Variants in USP11 observed in about 807,000 individuals in gnomAD.
USP11 encodes the protein ubiquitin specific peptidase 11.
In USP11, 5 loss-of-function variants were observed where a neutral mutation model predicts 72.8. That is an observed-to-expected ratio of 0.07 (90% CI 0.04 to 0.14). USP11 has a LOEUF of 0.14. USP11 is among the 10% of genes least tolerant of loss of function. USP11 has a pLI of 1.00. For missense variants in USP11, 480 were observed against 794.7 expected, an observed-to-expected ratio of 0.60 and a Z score of 4.76; for synonymous variants, 368 against 326.5, an observed-to-expected ratio of 1.13 and a Z score of -1.37.
intron 19 of USP11, 31 bp from the exon 20 acceptor site, chrX:47,247,580 G>A: frequency 8.3e-7 from 1 of 1,205,159 alleles, no homozygotes; most frequent in Non-Finnish European, 1.1e-6. Flanking sequence ...GGCAGGAAGG[G>A]TAGGCGAGGA....
At chrX:47,233,410 G>A (rs1249547183) in intron 1 of USP11, 191 bp downstream of exon 1, 9 of 1,077,028 alleles carry the variant, frequency 8.4e-6, no homozygotes, top group Non-Finnish European at 1.1e-5. Flanking sequence ...GAAAAGGGGC[G>A]GGGCCTGTGT....
chrX:47,247,969 C>T lies in USP11; in HGVS notation c.*39C>T, dbSNP rs1290818137. 7.8e-6 allele frequency: 8 copies of T among 1,024,682 alleles called. No individual in the cohort carries two copies. The East Asian group carries it at 1.3e-4, about 17-fold the overall frequency. The allele number at this position is 1,024,682 out of a possible 1,213,427, so 84.4% of individuals were successfully genotyped here. On this transcript the variant is annotated 3_prime_UTR_variant, in exon 21 of 21. Transcript: ENST00000377107. ...TGCCACAGAAAAAAAAAAAAAAAAG[C>T]CCTCTCTGCAATCTCGCTTCTCGTG...
Position 47,243,420 on chromosome X carries a change from G to C in USP11, c.1608G>C (p.Glu536Asp). Residue 536 changes from glutamate to aspartate, a missense_variant, in exon 13 of 21, where the codon GAG becomes GAC. Physicochemically the swap from Glu to Asp is conservative, Grantham distance 45. Coordinates refer to ENST00000377107, the MANE Select transcript of USP11 (RefSeq NM_001371072.1). ...GCTATGAGGTGTCAGGTCGCATTGA[G>C]GCCATTGAGGGCTCAAGAGAGGACA... ...IFVYEVSGRI[E>D]AIEGSREDIV... The C allele has an allele frequency of 8.3e-7, 1 of 1,211,886 alleles. No homozygotes were observed. Among genetic ancestry groups the C allele is most frequent in the Non-Finnish European group, 1.1e-6 (1 of 895,521 alleles).
Position 47,247,708 on chromosome X carries a change from TCCATCCTA to T in USP11, c.2625+12_2625+19del, listed in dbSNP as rs774601963. On this transcript the variant is annotated intron_variant, in intron 20 of 20. Coordinates refer to ENST00000377107, the MANE Select transcript of USP11 (RefSeq NM_001371072.1). ...ATGAGAATCAGATCGAGGTGTGACT[TCCATCCTA>T]CCTCCTCCCCTTCTTCCTTTCTGAT... The T allele has an allele frequency of 4.1e-6, 5 of 1,209,848 alleles. No homozygotes were observed. Among genetic ancestry groups the T allele is most frequent in the Admixed American group, 2.2e-5 (1 of 45,957 alleles).
intron 17 of USP11, among the ~76,000 whole-genome samples, chrX:47,246,258 TCTAC>T (rs1197405456): frequency 3.6e-5 from 4 of 112,551 alleles, no homozygotes; most frequent in Admixed American, 1.9e-4. Context: ...GTGTGTTGCT[TCTAC>T]CTGTTTATAA....
At chrX:47,240,692 G>A in intron 6 of USP11, 44 bp downstream of exon 6, 3 of 1,208,692 alleles carry the variant, frequency 2.5e-6, no homozygotes, top group Non-Finnish European at 2.2e-6. Context: ...GCGTCCCACA[G>A]TAGGCAAAAT....
intron 17 of USP11, among the ~76,000 whole-genome samples, chrX:47,246,489 T>A (rs1280676306): frequency 8.9e-6 from 1 of 112,077 alleles, no homozygotes; most frequent in African/African-American, 3.2e-5. Context: ...ACTAGAAGGA[T>A]AGAGGTGGGC....
rs748403960 is a variant in USP11, at chrX:47,246,375, G to T, written c.2271-697G>T. On this transcript the variant is annotated intron_variant, in intron 17 of 20. Coordinates refer to ENST00000377107, the MANE Select transcript of USP11 (RefSeq NM_001371072.1). ...TCTCAGAAATAAGAGCAGCATGTCCGTGGAGCAGAAATGGAACAGAAATAC... is the reference window on the plus strand; with the variant it reads ...TCTCAGAAATAAGAGCAGCATGTCCTTGGAGCAGAAATGGAACAGAAATAC... Among the ~76,000 whole-genome samples the T allele has an allele frequency of 6.3e-5, 7 of 111,781 alleles. No homozygotes were observed. The South Asian group carries it at 2.6e-3, about 41-fold the overall frequency.
intron 13 of USP11, 32 bp downstream of exon 13, chrX:47,243,634 G>A: frequency 5.9e-6 from 7 of 1,189,065 alleles, no homozygotes; most frequent in Non-Finnish European, 8.0e-6. Flanking sequence ...GGTGGGGGGC[G>A]GAGGGGTCTG....
Position 47,233,216 on chromosome X carries a change from G to A in USP11, c.173G>A (p.Ser58Asn), listed in dbSNP as rs1201750581. 2.6e-6 allele frequency: 3 copies of A among 1,162,888 alleles called. No homozygotes were observed. The South Asian group carries it at 5.7e-5, about 22-fold the overall frequency. Reference protein sequence around the residue: ...GRERPLRAGESWFLVEKHWYK... With the variant: ...GRERPLRAGENWFLVEKHWYK... ...GAACGTCCACTGCGGGCCGGCGAAA[G>A]CTGGTGAGGCTGGGCTGCGGTGGAG... The change falls in exon 1 of 21, where the codon AGC becomes AAC. Residue 58 changes from serine (S) to asparagine (N), a missense_variant. By Grantham distance (46) the Ser-to-Asn change is conservative. Around this residue, in one of 5 missense-constraint regions of USP11, gnomAD observed 71 missense variants for 71.4 expected, o/e 0.99. Coordinates refer to ENST00000377107, the MANE Select transcript of USP11 (RefSeq NM_001371072.1).
In USP11 at chrX:47,233,158, T is replaced by A; in HGVS notation, c.115T>A (p.Trp39Arg). Reference sequence around the variant, plus strand: ...GGAGCTGCCAGGCCTGGACAGCCAGTGGCGCCAGATAGAAAACGGCGAGAG... The same window carrying A: ...GGAGCTGCCAGGCCTGGACAGCCAGAGGCGCCAGATAGAAAACGGCGAGAG... ...HEELPGLDSQWRQIENGESGR... is the reference protein window; with the variant it reads ...HEELPGLDSQRRQIENGESGR... Residue 39 changes from tryptophan to arginine, a missense_variant, in exon 1 of 21, where the codon TGG (tryptophan) becomes AGG (arginine). By Grantham distance (101) the Trp-to-Arg change is moderately radical. Around this residue, in one of 5 missense-constraint regions of USP11, gnomAD observed 71 missense variants for 71.4 expected, o/e 0.99. Transcript: ENST00000377107. 8.4e-6 allele frequency: 10 copies of A among 1,195,199 alleles called. No individual in the cohort carries two copies. The highest frequency in any genetic ancestry group is 1.1e-5 in the Non-Finnish European group (10 of 886,399).
chrX:47,240,907 C>T (rs1476054818), intron 7 of USP11, 31 bp downstream of exon 7: 1 of 1,171,279 alleles, frequency 8.5e-7, no homozygotes, highest in Non-Finnish European at 1.2e-6. Context: ...TCTGGCACAG[C>T]CACGTGGTTG....
intron 1 of USP11, among the ~76,000 whole-genome samples, chrX:47,238,207 T>G (rs1365756088): frequency 9.6e-6 from 1 of 104,163 alleles, no homozygotes; most frequent in Non-Finnish European, 2.0e-5. Flanking sequence ...TTTTTTTTTT[T>G]GAGATGGAGT....
At chrX:47,233,290 C>CGGCCGAG in intron 1 of USP11, 71 bp downstream of exon 1, 2 of 770,561 alleles carry the variant, frequency 2.6e-6, no homozygotes, top group Non-Finnish European at 3.1e-6. Flanking sequence ...GGGGATTCGG[C>CGGCCGAG]GGCCGAGGGC....
At chrX:47,234,855 A>T (rs955014448) in intron 1 of USP11, among the ~76,000 whole-genome samples, 5 of 112,031 alleles carry the variant, frequency 4.5e-5, no homozygotes, top group African/African-American at 1.6e-4. Context: ...CACTCTAAAT[A>T]TATGCAATTT....
At position 47,241,279 on chromosome X, in the gene USP11, C is replaced by T. The variant is rs771616863; in HGVS notation, c.849C>T (p.Cys283=). Residue 283 remains cysteine, a splice_region_variant and synonymous_variant, in exon 8 of 21, where the codon TGC becomes TGT. Transcript: ENST00000377107. ...NTCFMNSALQ[C]LSNVPQLTEY... is the part of the protein sequence containing the mutation. ...CACCTGGTCTCTGGCCTCTGCAGTGCCTCAGCAATGTGCCACAGCTCACCG... is the reference window on the plus strand; with the variant it reads ...CACCTGGTCTCTGGCCTCTGCAGTGTCTCAGCAATGTGCCACAGCTCACCG... 1.7e-6 allele frequency: 2 copies of T among 1,204,242 alleles called. No individual in the cohort carries two copies. The highest frequency in any genetic ancestry group is 2.2e-6 in the Non-Finnish European group (2 of 891,759).
At position 47,247,455 on chromosome X, in the gene USP11, G is replaced by T. The variant is rs1379428355; in HGVS notation, c.2536+36G>T. ...GGCTGTGGGTGGGGCCTGCCCTGGGGGTTCTGGGCAGGGGGGCGATCAGGA... is the reference window on the plus strand; with the variant it reads ...GGCTGTGGGTGGGGCCTGCCCTGGGTGTTCTGGGCAGGGGGGCGATCAGGA... On this transcript the variant is annotated intron_variant, in intron 19 of 20. Transcript: ENST00000377107. The T allele has an allele frequency of 1.5e-5, 18 of 1,191,340 alleles. No individual in the cohort carries two copies. In the Admixed American group the frequency reaches 1.5e-4, roughly 10 times the overall value.
At chrX:47,235,267 A>G (rs1219478366) in intron 1 of USP11, among the ~76,000 whole-genome samples, 2 of 112,040 alleles carry the variant, frequency 1.8e-5, no homozygotes, top group Non-Finnish European at 3.8e-5. Context: ...TATGGAATAC[A>G]TATATATAAA....
chrX:47,233,265 GC>G (rs1426068344), intron 1 of USP11, 46 bp downstream of exon 1: 1 of 1,098,175 alleles, frequency 9.1e-7, no homozygotes, highest in African/African-American at 1.9e-5. Flanking sequence ...AACGGTGGGG[GC>G]ATTGACAACC....
Sources: allele counts gnomAD v4.1 joint callset (sites outside exome capture counted in the v4.1 genomes callset), GRCh38; gene constraint gnomAD v4.1.1; regional missense constraint gnomAD v4.1.1; transcripts MANE v1.5; gene names NCBI Gene and HGNC (gene_info 2026-07-23, HGNC 2026-07-21).